The following ADGRF5 variants were observed in gnomAD, a reference collection of about 807,000 sequenced individuals.
The protein encoded by ADGRF5 is G-protein coupled receptor 116.
A neutral mutation model predicts 132.3 loss-of-function variants in ADGRF5; 75 were observed. The ratio of observed to expected loss-of-function variants is 0.57; its 90% confidence interval spans 0.47 to 0.69. The LOEUF is 0.69. Among genes scored for constraint, ADGRF5 ranks in the 30% least tolerant of loss-of-function variants. The pLI is 0.00. For synonymous variants in ADGRF5, 629 were observed against 597.6 expected, an observed-to-expected ratio of 1.05 and a Z score of -0.77; for missense variants, 1,516 against 1,630.6, an observed-to-expected ratio of 0.93 and a Z score of 1.21.
At chr6:46,908,067 G>A (rs1301088508) in intron 1 of ADGRF5, 1 of 152,178 alleles carries the variant, frequency 6.6e-6, no homozygotes, top group Non-Finnish European at 1.5e-5. Flanking sequence ...ACATGCCAGG[G>A]AAAATTGTAT....
chr6:46,855,627 C>T (rs1244023335), intron 20 of ADGRF5, among the ~76,000 whole-genome samples: 1 of 152,186 alleles, frequency 6.6e-6, no homozygotes, highest in East Asian at 1.9e-4. Flanking sequence ...CCTATCTACT[C>T]TTATCTAACA....
intron 1 of ADGRF5, among the ~76,000 whole-genome samples, chr6:46,940,257 C>A (rs1777997317): frequency 6.6e-6 from 1 of 152,152 alleles, no homozygotes; most frequent in African/African-American, 2.4e-5. Context: ...GAGCCACTTG[C>A]TATTATACTT....
intron 3 of ADGRF5, among the ~76,000 whole-genome samples, chr6:46,893,938 T>G (rs1265200119): frequency 2.6e-5 from 4 of 152,176 alleles, no homozygotes; most frequent in African/African-American, 9.7e-5. Context: ...AACCAAGATA[T>G]TTAGGTCTTA....
chr6:46,941,387 C>CAAAGAAAGGAAAAGAAAAGA, intron 1 of ADGRF5, among the ~76,000 whole-genome samples: 1 of 83,186 alleles, frequency 1.2e-5, no homozygotes, highest in East Asian at 3.1e-4. Flanking sequence ...AAGAAAGAAA[C>CAAAGAAAGGAAAAGAAAAGA]AAAGAAAAGA....
intron 3 of ADGRF5, among the ~76,000 whole-genome samples, chr6:46,889,286 T>A (rs1773388790): frequency 6.9e-6 from 1 of 145,450 alleles, no homozygotes; most frequent in Non-Finnish European, 1.5e-5. Flanking sequence ...TACTATATAG[T>A]ATATATAGTA....
intron 10 of ADGRF5, among the ~76,000 whole-genome samples, chr6:46,877,292 T>TTC (rs761032111): frequency 2.2e-5 from 1 of 45,302 alleles, no homozygotes; most frequent in Non-Finnish European, 4.7e-5. Context: ...TCTTTCTTTC[T>TTC]CTCTCTCTCT....
At chr6:46,879,078 G>A (rs1027836126) in intron 9 of ADGRF5, among the ~76,000 whole-genome samples, 3 of 151,956 alleles carry the variant, frequency 2.0e-5, no homozygotes, top group African/African-American at 7.3e-5. Flanking sequence ...CGTGTGTCAA[G>A]ACTTTTTAAA....
At chr6:46,854,639 G>A in intron 20 of ADGRF5, 2 of 789,788 alleles carry the variant, frequency 2.5e-6, no homozygotes, top group Non-Finnish European at 3.7e-6. Flanking sequence ...TTGTCTGCGG[G>A]GAGGTGGGGA....
intron 2 of ADGRF5, 94 bp downstream of exon 2, chr6:46,906,567 T>C (rs2150896765): frequency 5.5e-6 from 4 of 729,366 alleles, no homozygotes; most frequent in Non-Finnish European, 9.6e-6. Flanking sequence ...CCCCTAAAGT[T>C]TTTTCTCCTT....
chr6:46,954,651 A>T (rs1778653592), intron 1 of ADGRF5: 1 of 152,256 alleles, frequency 6.6e-6, no homozygotes, highest in Non-Finnish European at 1.5e-5. Flanking sequence ...GCCAGCTAGA[A>T]AAGCCACGTG....
At chr6:46,906,557 C>T in intron 2 of ADGRF5, 104 bp downstream of exon 2, 4 of 685,440 alleles carry the variant, frequency 5.8e-6, no homozygotes, top group South Asian at 3.5e-5. Context: ...GTTTTTTCTC[C>T]CCCTAAAGTT....
intron 2 of ADGRF5, among the ~76,000 whole-genome samples, chr6:46,901,751 G>T (rs1324822465): frequency 6.6e-6 from 1 of 151,568 alleles, no homozygotes; most frequent in East Asian, 1.9e-4. Context: ...CTCAGGGAGC[G>T]GGTCTCTCTT....
intron 11 of ADGRF5, among the ~76,000 whole-genome samples, chr6:46,871,497 T>C (rs1402369075): frequency 6.6e-6 from 1 of 151,926 alleles, no homozygotes; most frequent in African/African-American, 2.4e-5. Context: ...AGGGGAAAAT[T>C]AGGGACATTA....
chr6:46,924,474 C>T (rs969957443), upstream of ADGRF5, among the ~76,000 whole-genome samples: 12 of 152,220 alleles, frequency 7.9e-5, no homozygotes, highest in East Asian at 1.9e-4. Flanking sequence ...TTCCTCTTAA[C>T]GTAAGAGTGT....
intron 8 of ADGRF5, 55 bp from the exon 9 acceptor site, chr6:46,880,094 G>T (rs1772282632): frequency 8.2e-7 from 1 of 1,215,208 alleles, no homozygotes; most frequent in Non-Finnish European, 1.2e-6. Context: ...TGTCACTGAT[G>T]CTACTCACCA....
intron 1 of ADGRF5, among the ~76,000 whole-genome samples, chr6:46,950,324 T>C (rs1485039001): frequency 6.6e-6 from 1 of 152,174 alleles, no homozygotes; most frequent in African/African-American, 2.4e-5. Flanking sequence ...CCATTGATCT[T>C]CTGTTGGCCT....
At chr6:46,918,306 T>C (rs1469951952) in intron 1 of ADGRF5, among the ~76,000 whole-genome samples, 1 of 152,176 alleles carries the variant, frequency 6.6e-6, no homozygotes, top group African/African-American at 2.4e-5. Flanking sequence ...ACAGGCCCGG[T>C]AGTCCTCTCT....
intron 1 of ADGRF5, among the ~76,000 whole-genome samples, chr6:46,916,467 T>A (rs1265015677): frequency 6.6e-6 from 1 of 152,222 alleles, no homozygotes; most frequent in Non-Finnish European, 1.5e-5. Context: ...TTCGACCGGG[T>A]ACTAAGTCCT....
At chr6:46,854,618 A>G (rs969213967) in intron 20 of ADGRF5, 6 of 645,860 alleles carry the variant, frequency 9.3e-6, no homozygotes, top group African/African-American at 7.5e-5. Context: ...CCTCAGAGCA[A>G]CTGCACAGGC....
Sources: allele counts gnomAD v4.1 joint callset (sites outside exome capture counted in the v4.1 genomes callset), GRCh38; gene constraint gnomAD v4.1.1; transcripts MANE v1.5; gene names NCBI Gene and HGNC (gene_info 2026-07-23, HGNC 2026-07-21).